Variants in RYR1 observed in about 807,000 individuals in gnomAD.
RYR1 encodes the protein central core disease of muscle.
RYR1 carries 342 observed loss-of-function variants against 583.5 expected under a neutral mutation model. The observed-to-expected ratio is 0.59, with a 90% confidence interval of 0.54 to 0.64. The LOEUF is 0.64. Ranked by LOEUF, RYR1 falls within the 30% of genes least tolerant of loss-of-function variation. The pLI is 0.00. For synonymous variants in RYR1, 2,791 were observed against 2,822.5 expected (o/e 0.99, Z 0.35); for missense variants, 6,032 against 6,917.2 (o/e 0.87, Z 4.54).
chr19:38,521,904 T>A (rs1165142377), intron 67 of RYR1, among the ~76,000 whole-genome samples: 1 of 151,782 alleles, frequency 6.6e-6, no homozygotes, highest in Non-Finnish European at 1.5e-5. Context: ...GAGATGAGGT[T>A]TCACCGTGTT....
At position 38,512,493 on chromosome 19, in the gene RYR1, C is replaced by T; in HGVS notation, c.9472+10C>T. 1 of 1,608,106 alleles carries T rather than the reference C, an allele frequency of 6.2e-7. No individual in the cohort carries two copies. The highest frequency in any genetic ancestry group is 8.5e-7 in the Non-Finnish European group (1 of 1,179,786). On this transcript the variant is annotated intron_variant, in intron 63 of 105. Coordinates refer to ENST00000359596, the MANE Select transcript of RYR1 (RefSeq NM_000540.3). This position sits in a 1 kb window ranked among gnomAD's most constrained non-coding sequence, Gnocchi z 5.1. ...GGAGATGACGTCATCCGTAAGGGCG[C>T]CTGACCCAAGGGCAGGTTGCGGGGA...
intron 64 of RYR1, 74 bp from the exon 65 acceptor site, chr19:38,516,013 T>A (rs1259443647): frequency 4.6e-6 from 7 of 1,509,310 alleles, no homozygotes; most frequent in Non-Finnish European, 4.5e-6. Flanking sequence ...GAGCCGTTTC[T>A]ATGGAGATGG....
At chr19:38,515,615 G>A (rs1970931250) in intron 64 of RYR1, among the ~76,000 whole-genome samples, 1 of 152,118 alleles carries the variant, frequency 6.6e-6, no homozygotes, top group Non-Finnish European at 1.5e-5. Flanking sequence ...GCAACATAGT[G>A]AGACTCCATC....
chr19:38,506,093 A>T, intron 54 of RYR1, 147 bp downstream of exon 54: 1 of 1,194,156 alleles, frequency 8.4e-7, no homozygotes. Flanking sequence ...GAGATCTGGG[A>T]AAGGAGAGGG....
At position 38,468,146 on chromosome 19, in the gene RYR1, C is replaced by G. The variant is rs147424173; in HGVS notation, c.3381+334C>G. Among the ~76,000 whole-genome samples the G allele has an allele frequency of 7.1e-4, 106 of 149,742 alleles. 1 individual carries two copies. The highest frequency in any genetic ancestry group is 5.8e-4 in the Non-Finnish European group (39 of 67,716). ...CATTCATCCAGCCAACATAGGGAGA[C>G]CCCATCTCTACAAAAAATAAAAAAA... On this transcript the variant is annotated intron_variant, in intron 25 of 105. Coordinates refer to ENST00000359596, the MANE Select transcript of RYR1 (RefSeq NM_000540.3).
intron 91 of RYR1, among the ~76,000 whole-genome samples, chr19:38,566,448 CAAAAAAAAAAAAAA>C (rs71165563): frequency 0.055 from 2,830 of 51,108 alleles, 120 homozygotes; most frequent in African/African-American, 0.2. Flanking sequence ...GACTCTGTCT[CAAAAAAAAAAAAAA>C]AAAAAAAAAA....
intron 42 of RYR1, 142 bp from the exon 43 acceptor site, chr19:38,498,966 C>A: frequency 9.3e-7 from 1 of 1,079,418 alleles, no homozygotes; most frequent in African/African-American, 1.6e-5. Context: ...AGGCCTCTGA[C>A]AGGACCAGGG....
chr19:38,532,831 C>T lies in RYR1; in HGVS notation c.11259+95C>T. ...CAGCATGTGTTCACAGAGCAAAGCTCTGGGGACACAGCAGTGACCAAGTCA... is the reference window on the plus strand; with the variant it reads ...CAGCATGTGTTCACAGAGCAAAGCTTTGGGGACACAGCAGTGACCAAGTCA... On this transcript the variant is annotated intron_variant, in intron 78 of 105. Coordinates refer to ENST00000359596, the MANE Select transcript of RYR1 (RefSeq NM_000540.3). The T allele has an allele frequency of 2.3e-6, 3 of 1,322,884 alleles. No homozygotes were observed. In the Admixed American group the frequency reaches 5.6e-5, roughly 25 times the overall value. The allele number at this position is 1,322,884 out of a possible 1,614,324, so 81.9% of individuals were successfully genotyped here. A position where few individuals can be genotyped will look rare whatever the true frequency, so the allele number is the denominator to read the frequency against.
rs565609487 is a variant in RYR1 at position 38,546,877 on chromosome 19, G to A, written c.12094+351G>A. ...TGAGGTGGGAGGATCACCAGAGCCC[G>A]GGAGGTCCAGGCTGCAGTGAGCTGT... On this transcript the variant is annotated intron_variant, in intron 88 of 105. Coordinates refer to ENST00000359596, the MANE Select transcript of RYR1 (RefSeq NM_000540.3). Among the ~76,000 whole-genome samples the A allele has an allele frequency of 7.5e-5, 11 of 147,226 alleles. No homozygotes were observed. The East Asian group carries it at 1.7e-3, about 23-fold the overall frequency.
chr19:38,551,869 T>C (rs1972680949), intron 89 of RYR1, among the ~76,000 whole-genome samples: 2 of 152,314 alleles, frequency 1.3e-5, no homozygotes, highest in South Asian at 4.1e-4. Context: ...ATAGTTACCA[T>C]ATTCTCACTC....
chr19:38,532,393 G>A, intron 76 of RYR1, 97 bp from the exon 77 acceptor site: 5 of 1,216,166 alleles, frequency 4.1e-6, no homozygotes, highest in Non-Finnish European at 6.1e-6. Flanking sequence ...AGAGTGTTGG[G>A]ATTACAGGCA....
intron 39 of RYR1, among the ~76,000 whole-genome samples, chr19:38,495,131 C>T (rs1289221164): frequency 1.3e-5 from 2 of 151,938 alleles, no homozygotes; most frequent in Non-Finnish European, 2.9e-5. Flanking sequence ...GGATTAGAGA[C>T]GTGAGCCACC....
intron 3 of RYR1, among the ~76,000 whole-genome samples, chr19:38,443,077 G>A (rs893529426): frequency 6.6e-6 from 1 of 152,208 alleles, no homozygotes; most frequent in Non-Finnish European, 1.5e-5. Flanking sequence ...GGGACCTTGT[G>A]CTGGGGAGGG....
intron 83 of RYR1, among the ~76,000 whole-genome samples, chr19:38,537,632 G>A (rs1448959774): frequency 6.6e-6 from 1 of 152,198 alleles, no homozygotes; most frequent in African/African-American, 2.4e-5. Context: ...AAAGACACTT[G>A]AGGCCCCAGC....
At chr19:38,490,825 A>G (rs950440834) in intron 37 of RYR1, 93 bp downstream of exon 37, 3 of 794,872 alleles carry the variant, frequency 3.8e-6, no homozygotes. Flanking sequence ...AACCCTCTAC[A>G]GTATCGGTGC....
intron 89 of RYR1, 102 bp downstream of exon 89, chr19:38,548,522 G>A: frequency 9.5e-7 from 1 of 1,049,794 alleles, no homozygotes; most frequent in East Asian, 2.4e-5. Flanking sequence ...ATCTCTGCAA[G>A]CCTCACTTTC....
rs192773920 is a variant in RYR1, at chr19:38,552,117, T to A, written c.12282+3697T>A. Among the ~76,000 whole-genome samples the A allele has an allele frequency of 6.1e-4, 92 of 151,956 alleles. 1 individual carries two copies. The East Asian group carries it at 0.016, about 26-fold the overall frequency. ...TGTGTGCCACCACACCCGGCTACTTTTATTTATTTATTTATTTTAGAGACG... is the reference window on the plus strand; with the variant it reads ...TGTGTGCCACCACACCCGGCTACTTATATTTATTTATTTATTTTAGAGACG... On this transcript the variant is annotated intron_variant, in intron 89 of 105. Transcript: ENST00000359596.
Position 38,504,891 on chromosome 19 carries a change from C to G in RYR1, c.8211C>G (p.Pro2737=), listed in dbSNP as rs1970370412. Reference sequence around the variant, plus strand: ...TGGATGCTGAAGGCAACTTTGATCCCCGGCCTGTGGAGACCCTCAAGTGAG... The same window carrying G: ...TGGATGCTGAAGGCAACTTTGATCCGCGGCCTGTGGAGACCCTCAAGTGAG... ...ATVDAEGNFD[P]RPVETLNVII... is the part of the protein sequence containing the mutation. Residue 2737 remains proline, a synonymous_variant, in exon 51 of 106, where the codon CCC becomes CCG. Transcript: ENST00000359596. 43 of 1,614,018 alleles carry G rather than the reference C, an allele frequency of 2.7e-5. No individual in the cohort carries two copies. The highest frequency in any genetic ancestry group is 3.6e-5 in the Non-Finnish European group (43 of 1,180,034).
At chr19:38,482,063 C>T (rs1328855010) in intron 31 of RYR1, among the ~76,000 whole-genome samples, 7 of 152,092 alleles carry the variant, frequency 4.6e-5, no homozygotes, top group Admixed American at 6.6e-5. Context: ...ACTCTCTAGC[C>T]TGGATGACAG....
Sources: allele counts gnomAD v4.1 joint callset (sites outside exome capture counted in the v4.1 genomes callset), GRCh38; gene constraint gnomAD v4.1.1; non-coding constraint Gnocchi (gnomAD v3.1); transcripts MANE v1.5; gene names NCBI Gene and HGNC (gene_info 2026-07-23, HGNC 2026-07-21).